Variants in ERN1 observed in about 807,000 individuals in gnomAD.
ERN1 encodes serine/threonine-protein kinase/endoribonuclease IRE1.
In ERN1, 39 loss-of-function variants were observed where a neutral mutation model predicts 113.1. The observed-to-expected ratio is 0.34, with a 90% confidence interval of 0.27 to 0.45. ERN1 has a LOEUF of 0.45. Among genes scored for constraint, ERN1 ranks in the 20% least tolerant of loss-of-function variants. The probability of loss-of-function intolerance (pLI) is 1.00; values close to 1 mark genes in which losing one functional copy is unlikely to be tolerated. For synonymous variants in ERN1, 507 were observed against 515.9 expected (o/e 0.98, Z 0.23); for missense variants, 976 against 1,274.8 (o/e 0.77, Z 3.57).
chr17:64,128,028 G>A (rs1045669279), intron 1 of ERN1, among the ~76,000 whole-genome samples: 6 of 151,098 alleles, frequency 4.0e-5, no homozygotes, highest in African/African-American at 1.5e-4. Context: ...TTGAGACAGA[G>A]TCTTGCTCTG....
chr17:64,052,512 A>C (rs1272462149), intron 17 of ERN1, among the ~76,000 whole-genome samples: 2 of 131,122 alleles, frequency 1.5e-5, no homozygotes, highest in Non-Finnish European at 3.2e-5. Context: ...CACAAAAAAA[A>C]CAAAAAAACA....
At chr17:64,108,062 G>A (rs1011073926) in intron 1 of ERN1, among the ~76,000 whole-genome samples, 2 of 152,190 alleles carry the variant, frequency 1.3e-5, no homozygotes, top group African/African-American at 4.8e-5. Flanking sequence ...GAACAGCACT[G>A]TGTGGTTTCC....
At chr17:64,117,019 G>A (rs1245112384) in intron 1 of ERN1, among the ~76,000 whole-genome samples, 1 of 151,956 alleles carries the variant, frequency 6.6e-6, no homozygotes, top group Non-Finnish European at 1.5e-5. Flanking sequence ...GGCTGAGGCA[G>A]GAGAATGGTG....
intron 1 of ERN1, among the ~76,000 whole-genome samples, chr17:64,116,833 G>A (rs1037395469): frequency 2.0e-5 from 3 of 151,784 alleles, no homozygotes; most frequent in African/African-American, 7.3e-5. Flanking sequence ...GGCCGGGAGC[G>A]GTGGCTCATG....
chr17:64,121,379 G>A lies in ERN1; in HGVS notation c.54+8597C>T, dbSNP rs111958266. Among the ~76,000 whole-genome samples the A allele has an allele frequency of 3.7e-3, 559 of 152,296 alleles. 2 individuals are homozygous for A. Among genetic ancestry groups the A allele is most frequent in the African/African-American group, 0.013 (540 of 41,562 alleles). On this transcript the variant is annotated intron_variant, in intron 1 of 21. Coordinates refer to ENST00000433197, the MANE Select transcript of ERN1 (RefSeq NM_001433.5). ...CTCTAAGGAAAGAACTTTCAGTTTT[G>A]TTCTTTCAGACATATGACTAGGCGA...
chr17:64,072,631 T>A (rs1406171649), intron 5 of ERN1, among the ~76,000 whole-genome samples: 1 of 152,254 alleles, frequency 6.6e-6, no homozygotes, highest in Non-Finnish European at 1.5e-5. Context: ...AACCTGATGC[T>A]AAGGATGTCA....
At chr17:64,055,572 AC>A (rs1291978808) in intron 13 of ERN1, 102 bp downstream of exon 13, 1 of 1,102,932 alleles carries the variant, frequency 9.1e-7, no homozygotes, top group Non-Finnish European at 1.3e-6. Flanking sequence ...AACACAGTGA[AC>A]CCCTGAGAAT....
intron 1 of ERN1, among the ~76,000 whole-genome samples, chr17:64,113,010 C>T (rs986320917): frequency 6.6e-6 from 1 of 152,168 alleles, no homozygotes; most frequent in Non-Finnish European, 1.5e-5. Context: ...GAAGATCGGG[C>T]CTTAATATAT....
chr17:64,067,339 C>T (rs1245818131), intron 7 of ERN1, among the ~76,000 whole-genome samples: 1 of 148,734 alleles, frequency 6.7e-6, no homozygotes, highest in East Asian at 2.0e-4. Context: ...TCTATAAGCC[C>T]AAGAATTTGG....
intron 12 of ERN1, among the ~76,000 whole-genome samples, chr17:64,056,921 C>T (rs887202481): frequency 5.9e-5 from 9 of 152,124 alleles, no homozygotes; most frequent in Non-Finnish European, 7.3e-5. Context: ...CATTCCTGGG[C>T]GGGTCATTAG....
In ERN1 at chr17:64,096,334, T is replaced by C. The variant is rs971797662; in HGVS notation, c.175+1787A>G. On this transcript the variant is annotated intron_variant, in intron 2 of 21. Transcript: ENST00000433197. ...GTGTACTACGCATGCAAGTGTAGTG[T>C]GGCATGTTTCTTATGAGAATCTAAT... Among the ~76,000 whole-genome samples the C allele has an allele frequency of 5.3e-5, 8 of 152,238 alleles. No homozygotes were observed. In the East Asian group the frequency reaches 5.8e-4, roughly 11 times the overall value.
intron 2 of ERN1, among the ~76,000 whole-genome samples, chr17:64,093,943 T>C (rs1914158531): frequency 6.6e-6 from 1 of 152,142 alleles, no homozygotes; most frequent in Non-Finnish European, 1.5e-5. Context: ...TATTTTCTGG[T>C]GGTCACAGAG....
At chr17:64,071,958 G>A (rs1306973123) in intron 6 of ERN1, 23 bp downstream of exon 6, 15 of 1,552,354 alleles carry the variant, frequency 9.7e-6, no homozygotes, top group Non-Finnish European at 1.2e-5. Flanking sequence ...GCAGGTTGTA[G>A]AAGACAAAGG....
intron 19 of ERN1, among the ~76,000 whole-genome samples, chr17:64,045,838 C>T (rs1263090250): frequency 6.6e-6 from 1 of 152,192 alleles, no homozygotes; most frequent in Non-Finnish European, 1.5e-5. Flanking sequence ...AAGGAAAGCT[C>T]AGATTTGATG....
chr17:64,054,859 C>T lies in ERN1; in HGVS notation c.1673-31G>A. On this transcript the variant is annotated intron_variant, in intron 13 of 21. Coordinates refer to ENST00000433197, the MANE Select transcript of ERN1 (RefSeq NM_001433.5). The surrounding 1 kb of genome is among the most constrained non-coding windows in gnomAD (Gnocchi z 4.9). ...ACAAAATAGGAAAAAGAGATTGTTT[C>T]AAACAGATATCACCTAAAGAACCTT... is the stretch of plus-strand genomic sequence containing the variant. The T allele has an allele frequency of 2.0e-6, 3 of 1,500,820 alleles. No homozygotes were observed. Among genetic ancestry groups the T allele is most frequent in the Non-Finnish European group, 2.7e-6 (3 of 1,091,560 alleles). 93.0% of individuals were successfully genotyped at this position (1,500,820 alleles called of 1,614,324 possible).
chr17:64,119,376 GTTTTTTTTTTT>G (rs3044073), intron 1 of ERN1, among the ~76,000 whole-genome samples: 11 of 77,910 alleles, frequency 1.4e-4, no homozygotes, highest in East Asian at 1.3e-3. Context: ...TTTTTTCTAG[GTTTTTTTTTTT>G]TTTTTTTTTT....
chr17:64,101,958 T>C (rs777787415), intron 1 of ERN1, among the ~76,000 whole-genome samples: 1 of 152,028 alleles, frequency 6.6e-6, no homozygotes, highest in Non-Finnish European at 1.5e-5. Context: ...AGAGCAACAT[T>C]CTACAATTGG....
chr17:64,123,199 G>T (rs1334198877), intron 1 of ERN1, among the ~76,000 whole-genome samples: 4 of 152,062 alleles, frequency 2.6e-5, no homozygotes, highest in African/African-American at 9.7e-5. Context: ...GTTTTAAATG[G>T]CCTCACAACC....
rs1315962709 is a variant in ERN1, at chr17:64,063,781, GT to G, written c.1087+204del. On this transcript the variant is annotated intron_variant, in intron 10 of 21. Coordinates refer to ENST00000433197, the MANE Select transcript of ERN1 (RefSeq NM_001433.5). The surrounding 1 kb of genome is among the most constrained non-coding windows in gnomAD (Gnocchi z 5.1). Reference sequence around the variant, plus strand: ...TACCTGAGTTTTGGAACATTAAACAGTTTTCAAAAACTGACTCAGAAACACA... The same window carrying G: ...TACCTGAGTTTTGGAACATTAAACAGTTTCAAAAACTGACTCAGAAACACA... Among the ~76,000 whole-genome samples, 1 of 152,182 alleles carries G rather than the reference GT, an allele frequency of 6.6e-6. No individual in the cohort carries two copies. The highest frequency in any genetic ancestry group is 2.4e-5 in the African/African-American group (1 of 41,460).
Sources: gnomAD v4.1 joint callset for allele counts (sites outside exome capture counted in the v4.1 genomes callset) on GRCh38, gnomAD v4.1.1 for gene constraint, Gnocchi (gnomAD v3.1) non-coding constraint, MANE v1.5 for transcripts, NCBI Gene and HGNC (gene_info 2026-07-23, HGNC 2026-07-21) for gene names.